Variants in ME3 observed in about 807,000 individuals in gnomAD.
ME3 encodes the protein malic enzyme 3.
A neutral mutation model predicts 68.9 loss-of-function variants in ME3; 48 were observed. The observed-to-expected ratio is 0.70, with a 90% CI of 0.55 to 0.89. The LOEUF (loss-of-function observed/expected upper bound fraction) is 0.89. Ranked by LOEUF, ME3 falls within the 40% of genes least tolerant of loss-of-function variation. ME3 has a pLI of 0.00. For missense variants in ME3, 675 were observed against 797.4 expected, an observed-to-expected ratio of 0.85 and a Z score of 1.85; for synonymous variants, 320 against 318.8, an observed-to-expected ratio of 1.00 and a Z score of -0.04.
At position 86,529,253 on chromosome 11, in the gene ME3, C is replaced by G. The variant is rs866265832; in HGVS notation, c.468-20386G>C. ...CCTCTACGCAAATAAACTAGAAAAT[C>G]TGGAAGAAATGGATAAATTCCTCGA... On this transcript the variant is annotated intron_variant, in intron 4 of 14. Coordinates refer to ENST00000543262, the Ensembl canonical transcript of ME3. 8.5e-5 allele frequency among the ~76,000 whole-genome samples: 13 copies of G among 152,276 alleles called. 1 individual carries two copies. In the Middle Eastern group the frequency reaches 0.024, roughly 279 times the overall value.
intron 2 of ME3, among the ~76,000 whole-genome samples, chr11:86,607,056 G>T (rs1457939470): frequency 1.3e-5 from 2 of 152,104 alleles, no homozygotes; most frequent in African/African-American, 4.8e-5. Flanking sequence ...TGTTATTGTT[G>T]TTGTTGTCAC....
chr11:86,546,945 A>C (rs1337442267), intron 4 of ME3, among the ~76,000 whole-genome samples: 2 of 151,548 alleles, frequency 1.3e-5, no homozygotes, highest in Admixed American at 1.3e-4. Context: ...GACTGGATAA[A>C]GAAAATGTAG....
intron 3 of ME3, among the ~76,000 whole-genome samples, chr11:86,557,857 A>G (rs1009378684): frequency 6.6e-6 from 1 of 152,200 alleles, no homozygotes; most frequent in African/African-American, 2.4e-5. Flanking sequence ...TATTTACACT[A>G]TGGAATCCGG....
chr11:86,481,117 C>T (rs537392593), intron 7 of ME3, among the ~76,000 whole-genome samples: 1 of 152,056 alleles, frequency 6.6e-6, no homozygotes, highest in South Asian at 2.1e-4. Context: ...TCATAGCTCA[C>T]TGCAGCTTCA....
At chr11:86,462,124 G>A (rs1315710875) in intron 8 of ME3, among the ~76,000 whole-genome samples, 1 of 152,204 alleles carries the variant, frequency 6.6e-6, no homozygotes, top group Non-Finnish European at 1.5e-5. Flanking sequence ...ATGTAGAGGT[G>A]CATTTATATG....
At chr11:86,443,040 A>G (rs118087427) in intron 13 of ME3, 121 bp from the exon 14 acceptor site, 11,279 of 667,588 alleles carry the variant, frequency 0.017, 135 homozygotes, top group Middle Eastern at 0.022. Flanking sequence ...TGCAGTTCCA[A>G]CTGTTGACTC....
intron 2 of ME3, among the ~76,000 whole-genome samples, chr11:86,605,608 T>C (rs943413988): frequency 1.9e-4 from 29 of 152,232 alleles, no homozygotes; most frequent in African/African-American, 7.0e-4. Context: ...TATGAACAAG[T>C]ATTTTTTGTT....
At chr11:86,578,850 C>G (rs1232151083) in intron 2 of ME3, among the ~76,000 whole-genome samples, 1 of 152,138 alleles carries the variant, frequency 6.6e-6, no homozygotes, top group Non-Finnish European at 1.5e-5. Context: ...GATAGTAGTT[C>G]TGAAACTTTG....
chr11:86,537,530 G>A (rs1327110782), intron 4 of ME3, among the ~76,000 whole-genome samples: 1 of 151,936 alleles, frequency 6.6e-6, no homozygotes, highest in Non-Finnish European at 1.5e-5. Context: ...TTTTCCCCTT[G>A]GCCTTGATTT....
chr11:86,519,227 G>C (rs980781501), intron 4 of ME3, among the ~76,000 whole-genome samples: 2 of 152,182 alleles, frequency 1.3e-5, no homozygotes, highest in African/African-American at 4.8e-5. Context: ...GCAAGTGTAA[G>C]TGAAGTTTCC....
chr11:86,467,338 G>T (rs1263275292), intron 7 of ME3, among the ~76,000 whole-genome samples: 2 of 152,124 alleles, frequency 1.3e-5, no homozygotes, highest in Admixed American at 6.5e-5. Flanking sequence ...TGGAGGTTTG[G>T]TGGGGGGCTC....
chr11:86,452,192 C>G (rs2138637961), intron 8 of ME3, among the ~76,000 whole-genome samples: 1 of 152,238 alleles, frequency 6.6e-6, no homozygotes, highest in Admixed American at 6.5e-5. Flanking sequence ...GATTGGAGGT[C>G]TTAGTTGCCA....
intron 5 of ME3, among the ~76,000 whole-genome samples, chr11:86,505,822 T>C (rs551825689): frequency 1.3e-5 from 2 of 152,350 alleles, no homozygotes; most frequent in Non-Finnish European, 1.5e-5. Context: ...TCGCTGGGAC[T>C]GATCTCCAGG....
intron 2 of ME3, among the ~76,000 whole-genome samples, chr11:86,649,303 G>A (rs1341288165): frequency 6.6e-6 from 1 of 152,116 alleles, no homozygotes; most frequent in Non-Finnish European, 1.5e-5. Flanking sequence ...AGGTATTGAT[G>A]GGACATATCT....
chr11:86,662,730 T>A (rs1483393603), intron 2 of ME3, among the ~76,000 whole-genome samples: 3 of 152,250 alleles, frequency 2.0e-5, no homozygotes, highest in Admixed American at 1.3e-4. Context: ...GCACACTGCA[T>A]GTCCTAAAAA....
intron 5 of ME3, among the ~76,000 whole-genome samples, chr11:86,499,049 G>A (rs1398984911): frequency 6.6e-6 from 1 of 152,168 alleles, no homozygotes; most frequent in Non-Finnish European, 1.5e-5. Flanking sequence ...ATAAAGGGTG[G>A]CAGAGATTAG....
rs1270410111 is a variant in ME3 at position 86,450,414 on chromosome 11, C to T, written c.920-16G>A. 6.2e-7 allele frequency: 1 copy of T among 1,610,086 alleles called. No individual in the cohort carries two copies. The highest frequency in any genetic ancestry group is 8.5e-7 in the Non-Finnish European group (1 of 1,177,064). On this transcript the variant is annotated splice_polypyrimidine_tract_variant and intron_variant, in intron 8 of 14. Transcript: ENST00000543262. ...GAGGCTGTGCCTGAAACAGAGTGGC[C>T]TGAGATCAACCTCTGGCCACAGGCC...
intron 4 of ME3, among the ~76,000 whole-genome samples, chr11:86,510,601 T>C (rs1329651195): frequency 6.6e-6 from 1 of 152,208 alleles, no homozygotes; most frequent in African/African-American, 2.4e-5. Context: ...AATTCTTTGC[T>C]GTGAGGGGTG....
chr11:86,577,548 C>T (rs1958184947), intron 2 of ME3, among the ~76,000 whole-genome samples: 1 of 152,204 alleles, frequency 6.6e-6, no homozygotes, highest in Non-Finnish European at 1.5e-5. Flanking sequence ...CCTCACTTGG[C>T]ACAGTGTTGG....
Sources: allele counts gnomAD v4.1 joint callset (sites outside exome capture counted in the v4.1 genomes callset), GRCh38; gene constraint gnomAD v4.1.1; transcripts MANE v1.5; gene names NCBI Gene and HGNC (gene_info 2026-07-23, HGNC 2026-07-21).